Variants in OPCML observed in about 807,000 individuals in gnomAD.
OPCML encodes opioid-binding protein/cell adhesion molecule.
OPCML carries 13 observed loss-of-function variants against 37.8 expected under a neutral mutation model. The ratio of observed to expected loss-of-function variants is 0.34; its 90% CI spans 0.22 to 0.55. The LOEUF is 0.55. Among genes scored for constraint, OPCML ranks in the 20% least tolerant of loss-of-function variants. The pLI is 0.91. For missense variants in OPCML, 341 were observed against 435.6 expected, an observed-to-expected ratio of 0.78 and a Z score of 1.93; for synonymous variants, 176 against 168.8, an observed-to-expected ratio of 1.04 and a Z score of -0.33.
At chr11:133,348,059 T>A (rs533885528) in intron 1 of OPCML, among the ~76,000 whole-genome samples, 30 of 152,228 alleles carry the variant, frequency 2.0e-4, no homozygotes, top group African/African-American at 7.2e-4. Flanking sequence ...TATTAATCAT[T>A]TGAAAAAAAG....
intron 2 of OPCML, among the ~76,000 whole-genome samples, chr11:132,852,988 A>G (rs1433662609): frequency 1.3e-5 from 2 of 152,204 alleles, no homozygotes; most frequent in Non-Finnish European, 2.9e-5. Flanking sequence ...GTCCTTACAG[A>G]AAAAGTTTGC....
chr11:132,595,477 T>C (rs2096491059), intron 3 of OPCML, among the ~76,000 whole-genome samples: 1 of 152,210 alleles, frequency 6.6e-6, no homozygotes, highest in South Asian at 2.1e-4. Flanking sequence ...TTTTCCCTTT[T>C]GCTGAATTGC....
At chr11:133,020,086 T>C (rs557698111) in intron 1 of OPCML, among the ~76,000 whole-genome samples, 7 of 152,260 alleles carry the variant, frequency 4.6e-5, no homozygotes, top group Non-Finnish European at 1.0e-4. Context: ...TGAGGGTTTC[T>C]GTCTAGCTCG....
At chr11:132,574,951 T>G (rs10894585) in intron 3 of OPCML, among the ~76,000 whole-genome samples, 50,713 of 151,842 alleles carry the variant, frequency 0.33, 10,325 homozygotes, top group Non-Finnish European at 0.47. Flanking sequence ...ATTAGGTATA[T>G]CATATATATT....
chr11:132,629,886 G>C (rs1197320733), intron 3 of OPCML, among the ~76,000 whole-genome samples: 2 of 152,154 alleles, frequency 1.3e-5, no homozygotes, highest in East Asian at 3.9e-4. Flanking sequence ...AAAGAAACAA[G>C]AATAGATATT....
At chr11:132,724,113 G>C (rs2135987835) in intron 2 of OPCML, among the ~76,000 whole-genome samples, 1 of 152,170 alleles carries the variant, frequency 6.6e-6, no homozygotes, top group South Asian at 2.1e-4. Flanking sequence ...CTAGCACAAG[G>C]GCATTTCAGA....
intron 1 of OPCML, among the ~76,000 whole-genome samples, chr11:133,207,774 G>A (rs1240284838): frequency 6.6e-6 from 1 of 152,142 alleles, no homozygotes; most frequent in Non-Finnish European, 1.5e-5. Flanking sequence ...TGGCAGCCCA[G>A]GCTTCTAGAT....
intron 1 of OPCML, among the ~76,000 whole-genome samples, chr11:133,011,387 C>CA (rs1947209984): frequency 6.6e-6 from 1 of 152,166 alleles, no homozygotes; most frequent in African/African-American, 2.4e-5. Context: ...GTTGAGGCTG[C>CA]AACCTTGAAT....
At chr11:132,511,547 A>G (rs996849276) in intron 4 of OPCML, among the ~76,000 whole-genome samples, 5 of 152,108 alleles carry the variant, frequency 3.3e-5, no homozygotes, top group African/African-American at 1.2e-4. Flanking sequence ...AGTATGGTTC[A>G]GGCATAAGAA....
intron 1 of OPCML, chr11:133,008,869 C>G: frequency 1.0e-6 from 1 of 985,106 alleles, no homozygotes; most frequent in African/African-American, 1.7e-5. Context: ...TTTCATGGAG[C>G]CCAACCTAAT....
At chr11:133,030,139 G>T (rs1947639619) in intron 1 of OPCML, among the ~76,000 whole-genome samples, 2 of 152,142 alleles carry the variant, frequency 1.3e-5, no homozygotes, top group Admixed American at 6.5e-5. Flanking sequence ...TCCCTAGTGG[G>T]TATTCCTGCA....
intron 3 of OPCML, among the ~76,000 whole-genome samples, chr11:132,593,089 A>G (rs2096487112): frequency 1.3e-5 from 2 of 152,224 alleles, no homozygotes; most frequent in African/African-American, 4.8e-5. Context: ...ATAAAGGAGT[A>G]TGAGGTATCT....
At chr11:132,478,196 A>G (rs2096164146) in intron 4 of OPCML, among the ~76,000 whole-genome samples, 1 of 152,224 alleles carries the variant, frequency 6.6e-6, no homozygotes, top group Admixed American at 6.5e-5. Flanking sequence ...TTAGAATCAA[A>G]TACCAATTGT....
intron 2 of OPCML, among the ~76,000 whole-genome samples, chr11:132,810,566 C>CTAT (rs928528365): frequency 3.3e-5 from 5 of 152,140 alleles, no homozygotes; most frequent in Non-Finnish European, 7.4e-5. Context: ...TGGCGAGTGC[C>CTAT]TATAATCCCT....
At chr11:132,423,289 G>T (rs1382079907) in intron 7 of OPCML, among the ~76,000 whole-genome samples, 1 of 152,182 alleles carries the variant, frequency 6.6e-6, no homozygotes, top group Non-Finnish European at 1.5e-5. Flanking sequence ...AAATGCCATA[G>T]CAATTTACTG....
intron 4 of OPCML, among the ~76,000 whole-genome samples, chr11:132,472,138 C>T (rs2096139889): frequency 6.6e-6 from 1 of 152,198 alleles, no homozygotes; most frequent in Non-Finnish European, 1.5e-5. Flanking sequence ...ATACATGTCA[C>T]ATAAAGGGAA....
chr11:133,279,078 A>T (rs1403548089), intron 1 of OPCML, among the ~76,000 whole-genome samples: 1 of 152,198 alleles, frequency 6.6e-6, no homozygotes, highest in Non-Finnish European at 1.5e-5. Context: ...CCTTGCCACT[A>T]GTAGTCCACG....
intron 1 of OPCML, among the ~76,000 whole-genome samples, chr11:133,490,894 C>T (rs1437832603): frequency 6.6e-6 from 1 of 152,206 alleles, no homozygotes; most frequent in Non-Finnish European, 1.5e-5. Flanking sequence ...TAACTCTTAT[C>T]CCCTTATACC....
At chr11:133,060,477 AG>A (rs912497633) in intron 1 of OPCML, among the ~76,000 whole-genome samples, 9 of 152,220 alleles carry the variant, frequency 5.9e-5, no homozygotes, top group African/African-American at 2.2e-4. Context: ...GCCTGCGTGC[AG>A]GTCTAGGCTC....
Sources: gnomAD v4.1 joint callset for allele counts (sites outside exome capture counted in the v4.1 genomes callset) on GRCh38, gnomAD v4.1.1 for gene constraint, MANE v1.5 for transcripts, NCBI Gene and HGNC (gene_info 2026-07-23, HGNC 2026-07-21) for gene names.